Variants in PPP2R2B observed in about 807,000 individuals in gnomAD.
PPP2R2B encodes the protein serine/threonine-protein phosphatase 2A 55 kDa regulatory subunit B beta isoform.
PPP2R2B carries 5 observed loss-of-function variants against 46.0 expected under a neutral mutation model. That is an observed-to-expected ratio of 0.11 (90% CI 0.06 to 0.23). The LOEUF (loss-of-function observed/expected upper bound fraction) is 0.23. Among genes scored for constraint, PPP2R2B ranks in the 10% least tolerant of loss-of-function variants. The probability of loss-of-function intolerance (pLI) is 1.00; values close to 1 mark genes in which losing one functional copy is unlikely to be tolerated. For synonymous variants in PPP2R2B, 215 were observed against 206.7 expected, an observed-to-expected ratio of 1.04 and a Z score of -0.34; for missense variants, 367 against 575.0, an observed-to-expected ratio of 0.64 and a Z score of 3.70.
chr5:146,963,175 G>A (rs1752252006), intron 1 of PPP2R2B, among the ~76,000 whole-genome samples: 1 of 152,192 alleles, frequency 6.6e-6, no homozygotes, highest in Non-Finnish European at 1.5e-5. Context: ...ACAACTCTCT[G>A]TGGTGGTTAT....
chr5:146,614,956 G>C (rs1772984924), intron 7 of PPP2R2B, among the ~76,000 whole-genome samples: 1 of 123,692 alleles, frequency 8.1e-6, no homozygotes, highest in Non-Finnish European at 1.6e-5. Context: ...ATTCCTCAGG[G>C]ATCTAGAACT....
intron 5 of PPP2R2B, among the ~76,000 whole-genome samples, chr5:146,675,040 G>A (rs2151127311): frequency 6.6e-6 from 1 of 152,278 alleles, no homozygotes; most frequent in South Asian, 2.1e-4. Context: ...TCAGCTCACT[G>A]CAACCTCCAC....
upstream of PPP2R2B, among the ~76,000 whole-genome samples, chr5:147,057,013 G>T (rs1377134403): frequency 4.6e-5 from 7 of 152,178 alleles, no homozygotes; most frequent in African/African-American, 1.7e-4. Flanking sequence ...TAAAATAAAA[G>T]TGTGCCTTGA....
intron 2 of PPP2R2B, among the ~76,000 whole-genome samples, chr5:146,816,264 G>A (rs1757926234): frequency 6.6e-6 from 1 of 152,088 alleles, no homozygotes; most frequent in African/African-American, 2.4e-5. Flanking sequence ...AATTGGCTGG[G>A]CATGGCAGCA....
chr5:146,707,524 C>T (rs1312282056), intron 2 of PPP2R2B: 1 of 729,882 alleles, frequency 1.4e-6, no homozygotes, highest in Non-Finnish European at 2.5e-6. Context: ...CAGGCCCACT[C>T]GTGTAGGAGC....
chr5:147,036,174 A>G (rs1448411631), intron 1 of PPP2R2B, among the ~76,000 whole-genome samples: 1 of 151,852 alleles, frequency 6.6e-6, no homozygotes, highest in Non-Finnish European at 1.5e-5. Context: ...CCCACCCTCC[A>G]CCTTCCAACA....
At chr5:146,833,523 A>T (rs1759084840) in intron 2 of PPP2R2B, among the ~76,000 whole-genome samples, 2 of 152,184 alleles carry the variant, frequency 1.3e-5, no homozygotes, top group Admixed American at 6.5e-5. Flanking sequence ...CCTTGACTTT[A>T]CTTTCAATGT....
chr5:146,686,993 G>C (rs1270835088), intron 5 of PPP2R2B, among the ~76,000 whole-genome samples: 1 of 151,478 alleles, frequency 6.6e-6, no homozygotes, highest in East Asian at 1.9e-4. Context: ...TGAGGTCAGA[G>C]ATCTGGAAAG....
At chr5:146,733,565 T>C (rs1294338166) in intron 2 of PPP2R2B, among the ~76,000 whole-genome samples, 2 of 152,208 alleles carry the variant, frequency 1.3e-5, no homozygotes, top group Non-Finnish European at 2.9e-5. Context: ...AGAGAGAAGA[T>C]GACAGGATAC....
intron 2 of PPP2R2B, among the ~76,000 whole-genome samples, chr5:146,745,141 T>G (rs1318593191): frequency 6.9e-6 from 1 of 144,098 alleles, no homozygotes; most frequent in African/African-American, 2.6e-5. Context: ...CCCCCAACTC[T>G]AAAACGTGCA....
At chr5:146,702,056 T>TAAAA (rs3062308) in intron 2 of PPP2R2B, among the ~76,000 whole-genome samples, 6 of 129,990 alleles carry the variant, frequency 4.6e-5, no homozygotes, top group African/African-American at 1.1e-4. Context: ...GCAAATGAGT[T>TAAAA]AAAAAAAAAA....
intron 1 of PPP2R2B, among the ~76,000 whole-genome samples, chr5:146,950,601 G>C (rs1298448370): frequency 6.6e-6 from 1 of 151,928 alleles, no homozygotes; most frequent in Non-Finnish European, 1.5e-5. Context: ...TCTTTTTAAT[G>C]CTTTTAAAAG....
chr5:147,004,790 A>G (rs1754356842), intron 1 of PPP2R2B, among the ~76,000 whole-genome samples: 1 of 152,154 alleles, frequency 6.6e-6, no homozygotes, highest in Admixed American at 6.5e-5. Context: ...TTCTTTATAC[A>G]TCACAGAGAG....
chr5:146,809,202 C>T (rs1294350698), intron 2 of PPP2R2B, among the ~76,000 whole-genome samples: 1 of 152,152 alleles, frequency 6.6e-6, no homozygotes, highest in Non-Finnish European at 1.5e-5. Context: ...ATGTGGCCGT[C>T]AGGCTTTCTG....
chr5:147,021,291 T>C (rs1370521498), intron 1 of PPP2R2B, among the ~76,000 whole-genome samples: 3 of 152,150 alleles, frequency 2.0e-5, no homozygotes, highest in Non-Finnish European at 4.4e-5. Context: ...AAGGAAAACA[T>C]GACAGTCTTA....
chr5:146,790,945 G>A (rs1169515045), intron 2 of PPP2R2B, among the ~76,000 whole-genome samples: 1 of 152,114 alleles, frequency 6.6e-6, no homozygotes, highest in Non-Finnish European at 1.5e-5. Flanking sequence ...GGAGCAGAAA[G>A]GACAAAAGTC....
At chr5:146,816,325 A>G (rs1250318061) in intron 2 of PPP2R2B, among the ~76,000 whole-genome samples, 1 of 152,206 alleles carries the variant, frequency 6.6e-6, no homozygotes, top group East Asian at 1.9e-4. Flanking sequence ...ACTTGAGCCC[A>G]GGAGGCTGAG....
At chr5:146,919,968 A>G (rs1175929723) in intron 1 of PPP2R2B, 1 of 108,970 alleles carries the variant, frequency 9.2e-6, no homozygotes, top group Non-Finnish European at 1.9e-5. Context: ...AACTTTTGAT[A>G]AGTTACTTAA....
intron 3 of PPP2R2B, among the ~76,000 whole-genome samples, chr5:146,698,597 T>C (rs970979900): frequency 6.6e-6 from 1 of 151,944 alleles, no homozygotes; most frequent in African/African-American, 2.4e-5. Context: ...ATGACTTTCA[T>C]TGGCCTTTTA....
Sources: gnomAD v4.1 joint callset for allele counts (sites outside exome capture counted in the v4.1 genomes callset) on GRCh38, gnomAD v4.1.1 for gene constraint, MANE v1.5 for transcripts, NCBI Gene and HGNC (gene_info 2026-07-23, HGNC 2026-07-21) for gene names.